The following ABCC8 variants were observed in gnomAD, a reference collection of about 807,000 sequenced individuals.
The protein encoded by ABCC8 is ATP-binding cassette sub-family C member 8.
In ABCC8, 137 loss-of-function variants were observed where a neutral mutation model predicts 188.0. The observed-to-expected ratio is 0.73, with a 90% CI of 0.63 to 0.84. The LOEUF (loss-of-function observed/expected upper bound fraction) is 0.84, where lower values mean the gene tolerates loss of function less well. Among genes scored for constraint, ABCC8 ranks in the 40% least tolerant of loss-of-function variants. ABCC8 has a pLI of 0.00. For missense variants in ABCC8, 1,750 were observed against 2,072.7 expected, an observed-to-expected ratio of 0.84 and a Z score of 3.02; for synonymous variants, 797 against 846.5, an observed-to-expected ratio of 0.94 and a Z score of 1.01.
intron 4 of ABCC8, 150 bp from the exon 5 acceptor site, chr11:17,461,975 G>T (rs1957210674): frequency 5.0e-6 from 7 of 1,392,696 alleles, no homozygotes; most frequent in Non-Finnish European, 5.7e-6. Flanking sequence ...CCAGGAAAAG[G>T]ATTCCCCAAC....
At position 17,407,121 on chromosome 11, in the gene ABCC8, C is replaced by T. The variant is rs568576108; in HGVS notation, c.2929G>A (p.Ala977Thr). 77 of 1,611,754 alleles carry T rather than the reference C, an allele frequency of 4.8e-5. No homozygotes were observed. In the Middle Eastern group the frequency reaches 9.5e-4, roughly 20 times the overall value. The change falls in exon 25 of 39, where the codon GCT becomes ACT. Residue 977 changes from alanine (A) to threonine (T), a missense_variant. Ala to Thr is a moderately conservative substitution (Grantham distance 58). Transcript: ENST00000389817. ...QDEEEEEEEA[A>T]ESEEDDNLSS... ...AGGTTGTCATCCTCCTCGCTCTCAG[C>T]TGCCTCCTCTGCAGGCCGCAAGAAC...
At chr11:17,395,070 A>T in intron 36 of ABCC8, 102 bp downstream of exon 36, 2 of 1,445,460 alleles carry the variant, frequency 1.4e-6, no homozygotes, top group Non-Finnish European at 1.9e-6. Context: ...CAGGCTTCAG[A>T]CTCCAAACTT....
intron 1 of ABCC8, among the ~76,000 whole-genome samples, chr11:17,475,646 T>G (rs957822576): frequency 6.6e-6 from 1 of 152,212 alleles, no homozygotes; most frequent in African/African-American, 2.4e-5. Flanking sequence ...TATGAGCACA[T>G]ATTTTGTATG....
Position 17,463,491 on chromosome 11 carries a change from C to T in ABCC8, c.526G>A (p.Val176Met), listed in dbSNP as rs747895754. The change falls in exon 4 of 39, where the codon GTG becomes ATG. Residue 176 changes from valine to methionine, a missense_variant. Transcript: ENST00000389817. The part of the protein sequence containing the change: ...QLRFCLTGLL[V>M]ILYGMLLLVE... ...AGGAGCAGCATCCCATAGAGGATCA[C>T]CAGCAGCCCTGTGAGGCAGAAGCGT... 1.9e-6 allele frequency: 3 copies of T among 1,604,552 alleles called. No individual in the cohort carries two copies. The highest frequency in any genetic ancestry group is 1.3e-5 in the African/African-American group (1 of 74,834).
At chr11:17,430,547 G>GTT (rs370673339) in intron 12 of ABCC8, 1,021 of 428,908 alleles carry the variant, frequency 2.4e-3, no homozygotes, top group Middle Eastern at 4.1e-3. Context: ...CTCAACACTG[G>GTT]TTTTTTTTTT....
At position 17,443,215 on chromosome 11, in the gene ABCC8, A is replaced by G. The variant is rs762124261; in HGVS notation, c.1430T>C (p.Val477Ala). The change falls in exon 9 of 39, where the codon GTG becomes GCG. Residue 477 changes from valine to alanine, a missense_variant. Val to Ala is a moderately conservative substitution (Grantham distance 64). Transcript: ENST00000389817. Reference sequence around the variant, plus strand: ...CTGGGCCTGAGACAGCTTGGTGGCCACGAAGTACTGGACAGGAGCCAGTAG... The same window carrying G: ...CTGGGCCTGAGACAGCTTGGTGGCCGCGAAGTACTGGACAGGAGCCAGTAG... Reference protein sequence around the residue: ...IILLAPVQYFVATKLSQAQRS... With the variant: ...IILLAPVQYFAATKLSQAQRS... The G allele has an allele frequency of 6.2e-7, 1 of 1,614,166 alleles. No homozygotes were observed. Among genetic ancestry groups the G allele is most frequent in the South Asian group, 1.1e-5 (1 of 91,076 alleles).
At chr11:17,418,089 C>T (rs1030992231) in intron 16 of ABCC8, among the ~76,000 whole-genome samples, 11 of 152,094 alleles carry the variant, frequency 7.2e-5, no homozygotes, top group Non-Finnish European at 1.5e-4. Flanking sequence ...TCAAAATAAC[C>T]ATATGAAGGA....
At position 17,405,486 on chromosome 11, in the gene ABCC8, C is replaced by A. The variant is rs1954472055; in HGVS notation, c.3399+8G>T. The A allele has an allele frequency of 6.2e-7, 1 of 1,614,222 alleles. No homozygotes were observed. Among genetic ancestry groups the A allele is most frequent in the Non-Finnish European group, 8.5e-7 (1 of 1,180,038 alleles). ...GAAGGGGGGATAGTGTGGCACGGTC[C>A]TCTGTACCTGGTCGATGGTGTTACA... is the stretch of plus-strand genomic sequence containing the variant. On this transcript the variant is annotated splice_region_variant and intron_variant, in intron 27 of 38. Transcript: ENST00000389817.
chr11:17,408,682 A>C (rs756411597), intron 22 of ABCC8, 165 bp from the exon 23 acceptor site: 27 of 625,914 alleles, frequency 4.3e-5, no homozygotes, highest in Non-Finnish European at 1.0e-5. Flanking sequence ...AACCTACCCC[A>C]ACCAACATAC....
chr11:17,432,930 C>A (rs1279543431), intron 10 of ABCC8, among the ~76,000 whole-genome samples: 1 of 152,176 alleles, frequency 6.6e-6, no homozygotes, highest in Non-Finnish European at 1.5e-5. Flanking sequence ...TAACCTAGGG[C>A]ATGTCATTTA....
intron 2 of ABCC8, among the ~76,000 whole-genome samples, chr11:17,471,948 G>A (rs1456566445): frequency 6.6e-6 from 1 of 152,230 alleles, no homozygotes; most frequent in African/African-American, 2.4e-5. Flanking sequence ...CCAGAGAGCA[G>A]TCATGAATGG....
intron 6 of ABCC8, among the ~76,000 whole-genome samples, chr11:17,460,242 G>A (rs1174179795): frequency 1.3e-5 from 2 of 152,254 alleles, no homozygotes; most frequent in East Asian, 1.9e-4. Flanking sequence ...CCTAACTACC[G>A]GGAGAGGTAC....
rs777027393 is a variant in ABCC8, at chr11:17,397,287, C to T, written c.3894G>A (p.Val1298=). ...GGAGCTCCATGTCTGCCAGGTTCCT[C>T]ACCATCCAGTTGAGGTAGTTGGAGA... ...LMVSNYLNWM[V]RNLADMELQL... The change falls in exon 32 of 39, where the codon GTG becomes GTA. Residue 1298 remains valine (V), a synonymous_variant. Coordinates refer to ENST00000389817, the MANE Select transcript of ABCC8 (RefSeq NM_000352.6). 3.1e-6 allele frequency: 5 copies of T among 1,612,846 alleles called. No individual in the cohort carries two copies. Among genetic ancestry groups the T allele is most frequent in the East Asian group, 4.5e-5 (2 of 44,896 alleles).
chr11:17,432,131 C>A, intron 11 of ABCC8, 73 bp downstream of exon 11: 1 of 1,542,162 alleles, frequency 6.5e-7, no homozygotes, highest in Non-Finnish European at 8.8e-7. Flanking sequence ...AAGGCCAAAT[C>A]TGGGCAGCCT....
chr11:17,453,396 G>T, intron 6 of ABCC8, 113 bp from the exon 7 acceptor site: 1 of 1,390,434 alleles, frequency 7.2e-7, no homozygotes, highest in Non-Finnish European at 9.9e-7. Flanking sequence ...GACCCTCTGG[G>T]CTTGCAAAGG....
chr11:17,462,396 G>A (rs1957226159), intron 4 of ABCC8, among the ~76,000 whole-genome samples: 1 of 152,314 alleles, frequency 6.6e-6, no homozygotes, highest in East Asian at 1.9e-4. Flanking sequence ...GTCCAAGTTC[G>A]AAAGGGCTGT....
Position 17,395,154 on chromosome 11 carries a change from A to G in ABCC8, c.4411+18T>C, listed in dbSNP as rs1347629560. 10 of 1,559,176 alleles carry G rather than the reference A, an allele frequency of 6.4e-6. No homozygotes were observed. The highest frequency in any genetic ancestry group is 8.7e-6 in the Non-Finnish European group (10 of 1,150,254). ...TTGAGTGCCCAACCAACCCAGCTGC[A>G]TAGCCAGGAGTAGTTACCGAGGCCT... On this transcript the variant is annotated intron_variant, in intron 36 of 38. Coordinates refer to ENST00000389817, the MANE Select transcript of ABCC8 (RefSeq NM_000352.6).
intron 3 of ABCC8, among the ~76,000 whole-genome samples, chr11:17,464,202 G>A (rs1245738624): frequency 1.3e-5 from 2 of 152,226 alleles, no homozygotes; most frequent in African/African-American, 2.4e-5. Flanking sequence ...TTACAGATGA[G>A]GAAACTGAGG....
chr11:17,470,306 G>A, intron 2 of ABCC8, 84 bp from the exon 3 acceptor site: 2 of 1,599,980 alleles, frequency 1.3e-6, no homozygotes, highest in Non-Finnish European at 1.7e-6. Flanking sequence ...TTCAAAGGCT[G>A]AACACTGAAC....
Sources: allele counts gnomAD v4.1 joint callset (sites outside exome capture counted in the v4.1 genomes callset), GRCh38; gene constraint gnomAD v4.1.1; transcripts MANE v1.5; gene names NCBI Gene and HGNC (gene_info 2026-07-23, HGNC 2026-07-21).